The following CNTN5 variants were observed in gnomAD, a reference collection of about 807,000 sequenced individuals.
CNTN5 encodes the protein contactin 5.
In CNTN5, 77 loss-of-function variants were observed where a neutral mutation model predicts 129.1. That is an observed-to-expected ratio of 0.60 (90% CI 0.50 to 0.72). The LOEUF (loss-of-function observed/expected upper bound fraction) is 0.72, where lower values mean the gene tolerates loss of function less well. CNTN5 is among the 30% of genes least tolerant of loss of function. CNTN5 has a pLI of 0.00. For missense variants in CNTN5, 1,478 were observed against 1,328.8 expected (o/e 1.11, Z -1.75); for synonymous variants, 509 against 465.6 (o/e 1.09, Z -1.20).
chr11:99,329,556 C>A (rs1865919612), intron 2 of CNTN5, among the ~76,000 whole-genome samples: 1 of 152,126 alleles, frequency 6.6e-6, no homozygotes, highest in South Asian at 2.1e-4. Flanking sequence ...GGCTCTATCT[C>A]TTCATTAGAT....
chr11:99,582,682 C>A lies in CNTN5; in HGVS notation c.55+26413C>A, dbSNP rs192042631. The stretch of plus-strand genomic sequence containing the variant: ...CCATGCTTTTCAGCTCCATCAGGTC[C>A]TTTAAGAACTTCTCTGCATTGGTTA... On this transcript the variant is annotated intron_variant, in intron 3 of 24. Coordinates refer to ENST00000524871, the MANE Select transcript of CNTN5 (RefSeq NM_014361.4). 9.3e-4 allele frequency among the ~76,000 whole-genome samples: 142 copies of A among 152,296 alleles called. 1 individual carries two copies. Among genetic ancestry groups the A allele is most frequent in the African/African-American group, 3.4e-3 (140 of 41,556 alleles).
At chr11:99,234,717 AAAT>A (rs1378164976) in intron 1 of CNTN5, among the ~76,000 whole-genome samples, 13 of 152,038 alleles carry the variant, frequency 8.6e-5, no homozygotes, top group African/African-American at 2.6e-4. Context: ...ATTTAAAAAT[AAAT>A]AATAATGTAA....
At chr11:99,825,931 TACA>T (rs1946940931) in intron 4 of CNTN5, among the ~76,000 whole-genome samples, 2 of 152,186 alleles carry the variant, frequency 1.3e-5, no homozygotes, top group South Asian at 4.1e-4. Context: ...TCAGAGAAAA[TACA>T]ACATCTTTCT....
intron 3 of CNTN5, among the ~76,000 whole-genome samples, chr11:99,706,532 C>A (rs78998822): frequency 0.025 from 3,758 of 151,502 alleles, 160 homozygotes; most frequent in African/African-American, 0.085. Context: ...AAGTCACTCT[C>A]ACTATCTCTT....
chr11:99,083,141 G>T (rs919262501), intron 1 of CNTN5, among the ~76,000 whole-genome samples: 1 of 151,970 alleles, frequency 6.6e-6, no homozygotes, highest in African/African-American at 2.4e-5. Context: ...AATCTTCCCT[G>T]CCACCTGTTT....
chr11:99,969,142 A>G (rs1041024890), intron 8 of CNTN5, among the ~76,000 whole-genome samples: 8 of 150,100 alleles, frequency 5.3e-5, no homozygotes, highest in African/African-American at 1.9e-4. Flanking sequence ...AGAATTTTTT[A>G]TCAGATAAAA....
intron 21 of CNTN5, among the ~76,000 whole-genome samples, chr11:100,316,612 A>G (rs982770099): frequency 9.2e-5 from 14 of 152,170 alleles, no homozygotes; most frequent in Non-Finnish European, 2.1e-4. Context: ...AAATAAGTCA[A>G]CAATAAAATA....
At chr11:99,041,107 A>C (rs1251952690) in intron 1 of CNTN5, among the ~76,000 whole-genome samples, 1 of 152,118 alleles carries the variant, frequency 6.6e-6, no homozygotes, top group Non-Finnish European at 1.5e-5. Flanking sequence ...CCTGGCCTTT[A>C]ATTTTCAGTA....
intron 3 of CNTN5, among the ~76,000 whole-genome samples, chr11:99,670,318 T>C (rs2135943654): frequency 6.6e-6 from 1 of 152,228 alleles, no homozygotes; most frequent in East Asian, 1.9e-4. Context: ...TTTAAAGAAA[T>C]CCCCATTGAA....
intron 1 of CNTN5, among the ~76,000 whole-genome samples, chr11:99,127,583 A>G (rs960281426): frequency 6.6e-6 from 1 of 152,146 alleles, no homozygotes; most frequent in African/African-American, 2.4e-5. Context: ...AGTTCTCTGC[A>G]GTTTCTCTCT....
chr11:99,367,607 C>G (rs2136123293), intron 2 of CNTN5, among the ~76,000 whole-genome samples: 1 of 152,188 alleles, frequency 6.6e-6, no homozygotes, highest in South Asian at 2.1e-4. Flanking sequence ...TCATTGTTAT[C>G]TGAGTAACAT....
chr11:100,118,776 G>A (rs1945920689), intron 13 of CNTN5, among the ~76,000 whole-genome samples: 3 of 151,744 alleles, frequency 2.0e-5, no homozygotes, highest in Admixed American at 1.3e-4. Flanking sequence ...CTCTTTTCAA[G>A]AATACCCATC....
chr11:99,788,253 A>G (rs929354879), intron 3 of CNTN5, among the ~76,000 whole-genome samples: 4 of 151,938 alleles, frequency 2.6e-5, no homozygotes, highest in Admixed American at 6.6e-5. Context: ...AATACTGTCT[A>G]TTCCTCAAGT....
At chr11:99,709,979 G>A (rs1954906293) in intron 3 of CNTN5, among the ~76,000 whole-genome samples, 1 of 151,890 alleles carries the variant, frequency 6.6e-6, no homozygotes, top group Non-Finnish European at 1.5e-5. Context: ...CATAAGCTGT[G>A]TCTTTACACA....
chr11:100,013,912 T>C (rs1249279671), intron 9 of CNTN5, among the ~76,000 whole-genome samples: 1 of 152,218 alleles, frequency 6.6e-6, no homozygotes, highest in Non-Finnish European at 1.5e-5. Context: ...TTCTTAAAAG[T>C]AGTATGTGTC....
rs374155296 is a variant in CNTN5 at position 100,109,386 on chromosome 11, G to A, written c.1580+35092G>A. ...GGTTGCAGTAAGCCAAGATTGCGCC[G>A]CTGTCCTCTAGCCTGGGCTACAGAG... is the stretch of plus-strand genomic sequence containing the variant. On this transcript the variant is annotated intron_variant, in intron 13 of 24. Coordinates refer to ENST00000524871, the MANE Select transcript of CNTN5 (RefSeq NM_014361.4). 6.6e-5 allele frequency among the ~76,000 whole-genome samples: 10 copies of A among 152,184 alleles called. No individual in the cohort carries two copies. In the South Asian group the frequency reaches 1.7e-3, roughly 25 times the overall value.
At chr11:99,110,299 T>G (rs1308121767) in intron 1 of CNTN5, among the ~76,000 whole-genome samples, 1 of 152,174 alleles carries the variant, frequency 6.6e-6, no homozygotes, top group Non-Finnish European at 1.5e-5. Context: ...GCCAAGTGTT[T>G]GGATTATGGA....
At chr11:99,071,396 CAA>C (rs1565293225) in intron 1 of CNTN5, among the ~76,000 whole-genome samples, 1 of 151,722 alleles carries the variant, frequency 6.6e-6, no homozygotes, top group Middle Eastern at 3.2e-3. Flanking sequence ...CTAAAAATGT[CAA>C]AAGAGTCCAC....
chr11:99,043,324 C>T (rs1403227820), intron 1 of CNTN5, among the ~76,000 whole-genome samples: 1 of 139,282 alleles, frequency 7.2e-6, no homozygotes, highest in Non-Finnish European at 1.5e-5. Flanking sequence ...GTGATATTCC[C>T]CTTCCTGTGT....
Sources: gnomAD v4.1 joint callset for allele counts (sites outside exome capture counted in the v4.1 genomes callset) on GRCh38, gnomAD v4.1.1 for gene constraint, MANE v1.5 for transcripts, NCBI Gene and HGNC (gene_info 2026-07-23, HGNC 2026-07-21) for gene names.